Variants in ADGRA3 observed in about 807,000 individuals in gnomAD.
ADGRA3 encodes the protein G-protein coupled receptor 125.
A neutral mutation model predicts 119.8 loss-of-function variants in ADGRA3; 56 were observed. The observed-to-expected ratio is 0.47, with a 90% confidence interval of 0.38 to 0.58. The LOEUF is 0.58. Among genes scored for constraint, ADGRA3 ranks in the 20% least tolerant of loss-of-function variants. The pLI, the probability that ADGRA3 is intolerant of heterozygous loss-of-function variation, is 0.00. For missense variants in ADGRA3, 1,516 were observed against 1,649.0 expected (o/e 0.92, Z 1.40); for synonymous variants, 607 against 623.8 (o/e 0.97, Z 0.40).
At chr4:22,490,065 G>C (rs1390132011) in intron 1 of ADGRA3, among the ~76,000 whole-genome samples, 1 of 152,006 alleles carries the variant, frequency 6.6e-6, no homozygotes, top group Non-Finnish European at 1.5e-5. Context: ...AAATAAAGGA[G>C]GCCTGATTTT....
Position 22,442,661 on chromosome 4 carries a change from G to C in ADGRA3, c.909C>G (p.Ser303=). 6.3e-7 allele frequency: 1 copy of C among 1,597,686 alleles called. No homozygotes were observed. The highest frequency in any genetic ancestry group is 8.5e-7 in the Non-Finnish European group (1 of 1,174,208). ...FVEKNMIHNC[S]LIASALTISN... is the part of the protein sequence containing the mutation. Reference sequence around the variant, plus strand: ...AAAAAAAAGTTTACCTTGCAATCAAGGAGCAGTTGTGAATCATGTTCTTTT... The same window carrying C: ...AAAAAAAAGTTTACCTTGCAATCAACGAGCAGTTGTGAATCATGTTCTTTT... Residue 303 remains serine, a synonymous_variant, in exon 7 of 19, where the codon TCC becomes TCG. Coordinates refer to ENST00000334304, the MANE Select transcript of ADGRA3 (RefSeq NM_145290.4).
At chr4:22,465,707 C>G (rs902309415) in intron 2 of ADGRA3, among the ~76,000 whole-genome samples, 4 of 152,106 alleles carry the variant, frequency 2.6e-5, no homozygotes, top group African/African-American at 7.2e-5. Flanking sequence ...GAAATTCGGC[C>G]AAGTTGTTGA....
chr4:22,479,985 G>A (rs922221933), intron 1 of ADGRA3, among the ~76,000 whole-genome samples: 4 of 152,056 alleles, frequency 2.6e-5, no homozygotes, highest in African/African-American at 9.7e-5. Context: ...TAACACACAG[G>A]GGCCTGTCAC....
intron 6 of ADGRA3, 107 bp from the exon 7 acceptor site, chr4:22,442,970 T>A (rs564173209): frequency 1.2e-6 from 1 of 840,550 alleles, no homozygotes; most frequent in Non-Finnish European, 1.9e-6. Context: ...ACAACAAATA[T>A]TCCTCAATAA....
At chr4:22,509,377 C>T (rs894768648) in intron 1 of ADGRA3, among the ~76,000 whole-genome samples, 1 of 151,978 alleles carries the variant, frequency 6.6e-6, no homozygotes, top group African/African-American at 2.4e-5. Context: ...GTGGCGTGCA[C>T]CTGTAATCCC....
intron 1 of ADGRA3, among the ~76,000 whole-genome samples, chr4:22,487,615 C>T (rs541016776): frequency 7.2e-5 from 11 of 152,138 alleles, no homozygotes; most frequent in South Asian, 6.2e-4. Flanking sequence ...AGCAGGATGA[C>T]GGCACACTGC....
At chr4:22,458,321 A>T (rs1717314596) in intron 3 of ADGRA3, among the ~76,000 whole-genome samples, 1 of 151,870 alleles carries the variant, frequency 6.6e-6, no homozygotes, top group Non-Finnish European at 1.5e-5. Flanking sequence ...CTCCCTAATG[A>T]CCTGTGTCTG....
intron 3 of ADGRA3, among the ~76,000 whole-genome samples, chr4:22,455,502 A>C (rs1475798962): frequency 6.6e-6 from 1 of 152,128 alleles, no homozygotes; most frequent in Non-Finnish European, 1.5e-5. Context: ...TATCATTCAG[A>C]CTCCTAGCCA....
intron 1 of ADGRA3, among the ~76,000 whole-genome samples, chr4:22,509,072 A>T (rs1327401132): frequency 2.6e-5 from 4 of 152,168 alleles, no homozygotes; most frequent in African/African-American, 9.6e-5. Context: ...ACCAGGTTCA[A>T]GAAGAAGAAA....
chr4:22,510,501 T>C (rs1422421381), intron 1 of ADGRA3, among the ~76,000 whole-genome samples: 1 of 152,064 alleles, frequency 6.6e-6, no homozygotes, highest in African/African-American at 2.4e-5. Flanking sequence ...TATGTTCTAG[T>C]GTGGTTCTGC....
At chr4:22,443,172 TCA>T in intron 6 of ADGRA3, 1 of 632,510 alleles carries the variant, frequency 1.6e-6, no homozygotes, top group Non-Finnish European at 2.8e-6. Context: ...GAAAATGGCA[TCA>T]GTGATAAGTA....
intron 1 of ADGRA3, among the ~76,000 whole-genome samples, chr4:22,491,677 G>T (rs896862330): frequency 3.3e-5 from 5 of 152,150 alleles, no homozygotes; most frequent in African/African-American, 1.2e-4. Context: ...CGCTACCCTT[G>T]ATGTCTTCCT....
intron 1 of ADGRA3, among the ~76,000 whole-genome samples, chr4:22,495,538 T>G (rs2109157198): frequency 6.6e-6 from 1 of 152,188 alleles, no homozygotes; most frequent in Non-Finnish European, 1.5e-5. Context: ...AAACAAGGAC[T>G]TATCTTGGCC....
rs558367505 is a variant in ADGRA3, at chr4:22,513,100, G to C, written c.257+2428C>G. On this transcript the variant is annotated intron_variant, in intron 1 of 18. Coordinates refer to ENST00000334304, the MANE Select transcript of ADGRA3 (RefSeq NM_145290.4). ...GGCCCATAAGACCCCTCTACAGGGG[G>C]CCTCATATACCTTGAACCCTCTTCA... Among the ~76,000 whole-genome samples the C allele has an allele frequency of 1.9e-4, 29 of 151,238 alleles. 1 individual carries two copies. In the South Asian group the frequency reaches 6.1e-3, roughly 32 times the overall value.
At chr4:22,513,520 T>C (rs1289807358) in intron 1 of ADGRA3, among the ~76,000 whole-genome samples, 1 of 149,372 alleles carries the variant, frequency 6.7e-6, no homozygotes. Flanking sequence ...TTTTTTTTCT[T>C]TTTTTTTTTG....
At position 22,512,553 on chromosome 4, in the gene ADGRA3, C is replaced by T. The variant is rs146345023; in HGVS notation, c.257+2975G>A. On this transcript the variant is annotated intron_variant, in intron 1 of 18. Transcript: ENST00000334304. Reference sequence around the variant, plus strand: ...GATCTTGGGATGAGATCATCCTGGACCTAGGGTGGACCCTAAATTCAGTAA... The same window carrying T: ...GATCTTGGGATGAGATCATCCTGGATCTAGGGTGGACCCTAAATTCAGTAA... 2.1e-3 allele frequency among the ~76,000 whole-genome samples: 321 copies of T among 152,162 alleles called. 2 individuals carry two copies. The highest frequency in any genetic ancestry group is 7.2e-3 in the African/African-American group (301 of 41,518).
At chr4:22,507,281 G>T (rs927385914) in intron 1 of ADGRA3, among the ~76,000 whole-genome samples, 1 of 151,992 alleles carries the variant, frequency 6.6e-6, no homozygotes, top group Non-Finnish European at 1.5e-5. Context: ...AATACTCAAA[G>T]AACTCTGTAT....
At chr4:22,451,591 A>T (rs1414169717) in intron 4 of ADGRA3, among the ~76,000 whole-genome samples, 1 of 152,036 alleles carries the variant, frequency 6.6e-6, no homozygotes, top group African/African-American at 2.4e-5. Context: ...TGACACACTT[A>T]AAGAAAGGGT....
At chr4:22,455,234 C>T (rs1717197268) in intron 3 of ADGRA3, among the ~76,000 whole-genome samples, 1 of 152,152 alleles carries the variant, frequency 6.6e-6, no homozygotes, top group Admixed American at 6.6e-5. Flanking sequence ...AAAAATGAGA[C>T]TCAAACTATT....
Sources: gnomAD v4.1 joint callset for allele counts (sites outside exome capture counted in the v4.1 genomes callset) on GRCh38, gnomAD v4.1.1 for gene constraint, MANE v1.5 for transcripts, NCBI Gene and HGNC (gene_info 2026-07-23, HGNC 2026-07-21) for gene names.